FADS2: variants seen among roughly 807,000 people sequenced by gnomAD.
The protein encoded by FADS2 is fatty acid desaturase 2, also known as acyl-CoA 6-desaturase.
FADS2 carries 18 observed loss-of-function variants against 61.2 expected under a neutral mutation model. The ratio of observed to expected loss-of-function variants is 0.29; its 90% CI spans 0.20 to 0.44. The LOEUF is 0.44. FADS2 is among the 20% of genes least tolerant of loss of function. The pLI, the probability that FADS2 is intolerant of heterozygous loss-of-function variation, is 1.00. For missense variants in FADS2, 322 were observed against 572.7 expected (o/e 0.56, Z 4.47); for synonymous variants, 203 against 223.9 (o/e 0.91, Z 0.83).
At chr11:61,836,339 C>T (rs1446177492) in intron 1 of FADS2, among the ~76,000 whole-genome samples, 1 of 152,178 alleles carries the variant, frequency 6.6e-6, no homozygotes, top group African/African-American at 2.4e-5. Flanking sequence ...TTCAGGTGAT[C>T]GCCCTGCCTC....
chr11:61,840,196 G>A, intron 2 of FADS2, 138 bp from the exon 3 acceptor site: 1 of 704,818 alleles, frequency 1.4e-6, no homozygotes, highest in South Asian at 1.6e-5. Flanking sequence ...CTCCTGGAGG[G>A]TCGAGGCTTG....
intron 4 of FADS2, chr11:61,847,718 T>C (rs2067271796): frequency 5.3e-6 from 1 of 188,580 alleles, no homozygotes; most frequent in African/African-American, 2.3e-5. Context: ...TGTGTGGACA[T>C]GTTTTCATTT....
intron 4 of FADS2, among the ~76,000 whole-genome samples, chr11:61,842,784 A>C (rs1227085646): frequency 1.3e-5 from 2 of 152,170 alleles, no homozygotes; most frequent in African/African-American, 4.8e-5. Context: ...TGGCTCTAGC[A>C]CTCGGCAGGT....
At chr11:61,824,459 GGAGAGA>G (rs1157000186), upstream of FADS2, among the ~76,000 whole-genome samples, 6 of 5,856 alleles carry the variant, frequency 1.0e-3, 1 homozygote, top group African/African-American at 3.3e-3. Flanking sequence ...AGGGAGGGAG[GGAGAGA>G]GAGAGAGAGA....
intron 4 of FADS2, among the ~76,000 whole-genome samples, chr11:61,841,008 A>G (rs1185817001): frequency 6.6e-6 from 1 of 150,650 alleles, no homozygotes; most frequent in Non-Finnish European, 1.5e-5. Flanking sequence ...TTAGCTAAGG[A>G]CTCATCTAAC....
chr11:61,865,503 C>T lies in FADS2; in HGVS notation c.1284-135C>T. 2.1e-6 allele frequency: 2 copies of T among 957,798 alleles called. No individual in the cohort carries two copies. Among genetic ancestry groups the T allele is most frequent in the Non-Finnish European group, 1.6e-6 (1 of 626,692 alleles). The allele number at this position is 957,798 out of a possible 1,614,324, so 59.3% of individuals were successfully genotyped here. A position where few individuals can be genotyped will look rare whatever the true frequency, so the allele number is the denominator to read the frequency against. ...GCTCTGAGCTGACAGCCCCACAGGC[C>T]CAGTGGCAGTGGTAAGCCCTGGTTA... On this transcript the variant is annotated intron_variant, in intron 11 of 11. Transcript: ENST00000278840. The surrounding 1 kb of genome is among the most constrained non-coding windows in gnomAD (Gnocchi z 4.1).
At chr11:61,826,378 G>A (rs1173642429), upstream of FADS2, 9 of 702,390 alleles carry the variant, frequency 1.3e-5, no homozygotes, top group African/African-American at 7.0e-5. Context: ...CCACCCATAC[G>A]TGCTCCCTTT....
At chr11:61,842,342 G>A (rs775736319) in intron 4 of FADS2, among the ~76,000 whole-genome samples, 30 of 152,250 alleles carry the variant, frequency 2.0e-4, no homozygotes, top group Non-Finnish European at 2.4e-4. Flanking sequence ...ACATAGTGGA[G>A]TGCTTTGTTT....
chr11:61,864,068 C>G (rs551924645), intron 10 of FADS2: 6 of 437,000 alleles, frequency 1.4e-5, no homozygotes, highest in East Asian at 1.3e-4. Context: ...AGTTATGGAG[C>G]CTGCACACGC....
intron 1 of FADS2, among the ~76,000 whole-genome samples, chr11:61,818,385 C>CT (rs2067007224): frequency 3.9e-5 from 6 of 152,130 alleles, no homozygotes; most frequent in Admixed American, 3.9e-4. Flanking sequence ...GCCAATATTC[C>CT]TTTTTTAAAA....
chr11:61,822,649 CGTT>C (rs976617198), intron 1 of FADS2, among the ~76,000 whole-genome samples: 60 of 152,218 alleles, frequency 3.9e-4, no homozygotes, highest in African/African-American at 8.4e-4. Context: ...GTCCTCTAGG[CGTT>C]GTTGTAAGCA....
At chr11:61,826,320 G>C (rs1409565384), upstream of FADS2, 4 of 702,544 alleles carry the variant, frequency 5.7e-6, no homozygotes, top group East Asian at 1.1e-4. Context: ...GAGCCGCTGG[G>C]GACCCCAGGC....
intron 5 of FADS2, among the ~76,000 whole-genome samples, chr11:61,850,277 G>C (rs2067294646): frequency 6.6e-6 from 1 of 151,700 alleles, no homozygotes; most frequent in African/African-American, 2.4e-5. Flanking sequence ...TTGAGACAGA[G>C]TCTTACTCTC....
Position 61,816,305 on chromosome 11 carries a change from G to A in FADS2, c.20G>A (p.Gly7Glu). 2 of 1,598,324 alleles carry A rather than the reference G, an allele frequency of 1.3e-6. No individual in the cohort carries two copies. The highest frequency in any genetic ancestry group is 1.7e-6 in the Non-Finnish European group (2 of 1,179,780). ...GATGGAATGCACGGCAGGGAGGCGG[G>A]ACCCTTTGTTTGTGTGTGCGTGTTG... Residue 7 changes from glycine to glutamate, a missense_variant, in exon 1 of 12, where the codon GGA becomes GAA. By Grantham distance (98) the Gly-to-Glu change is moderately conservative. Transcript: ENST00000257261. The surrounding 1 kb of genome is among the most constrained non-coding windows in gnomAD (Gnocchi z 7.0).
At chr11:61,837,392 T>C (rs1398089042) in intron 1 of FADS2, among the ~76,000 whole-genome samples, 1 of 152,214 alleles carries the variant, frequency 6.6e-6, no homozygotes, top group Non-Finnish European at 1.5e-5. Context: ...GGTGGTGTGG[T>C]TTGTGCACCA....
chr11:61,865,233 A>C lies in FADS2; in HGVS notation c.1239A>C (p.Glu413Asp), dbSNP rs1016827410. Reference protein sequence around the residue: ...VKSLCAKHGIEYQEKPLLRAL... With the variant: ...VKSLCAKHGIDYQEKPLLRAL... ...CTCTATGTGCCAAGCATGGCATTGA[A>C]TACCAGGAGAAGCCGCTACTGAGGG... is the stretch of plus-strand genomic sequence containing the variant. The change falls in exon 11 of 12, where the codon GAA becomes GAC. Residue 413 changes from glutamate (E) to aspartate (D), a missense_variant. Glu to Asp is a conservative substitution (Grantham distance 45). Around this residue, in one of 3 missense-constraint regions of FADS2, gnomAD observed 221 missense variants for 427.9 expected, o/e 0.52. Coordinates refer to ENST00000278840, the MANE Select transcript of FADS2 (RefSeq NM_004265.4). This position sits in a 1 kb window ranked among gnomAD's most constrained non-coding sequence, Gnocchi z 4.1. 1.9e-6 allele frequency: 3 copies of C among 1,613,808 alleles called. No individual in the cohort carries two copies. The highest frequency in any genetic ancestry group is 1.7e-5 in the Admixed American group (1 of 60,024).
At chr11:61,847,941 A>G in intron 4 of FADS2, 1 of 537,358 alleles carries the variant, frequency 1.9e-6, no homozygotes, top group Non-Finnish European at 3.4e-6. Flanking sequence ...GATCAGGGAA[A>G]CTGAAGCCTA....
intron 1 of FADS2, among the ~76,000 whole-genome samples, chr11:61,831,580 C>T (rs888332336): frequency 2.0e-5 from 3 of 152,174 alleles, no homozygotes; most frequent in Admixed American, 6.5e-5. Flanking sequence ...GCAACTGTTA[C>T]GTGGTCCTTC....
chr11:61,834,151 C>T (rs1036222298), intron 1 of FADS2, among the ~76,000 whole-genome samples: 6 of 152,270 alleles, frequency 3.9e-5, no homozygotes, highest in Non-Finnish European at 1.5e-5. Context: ...GGCTGAGTCC[C>T]GAATGGAGGC....
Sources: allele counts gnomAD v4.1 joint callset (sites outside exome capture counted in the v4.1 genomes callset), GRCh38; gene constraint gnomAD v4.1.1; regional missense constraint gnomAD v4.1.1; non-coding constraint Gnocchi (gnomAD v3.1); transcripts MANE v1.5; gene names NCBI Gene and HGNC (gene_info 2026-07-23, HGNC 2026-07-21).